The following NAP1L4 variants were observed in gnomAD, a reference collection of about 807,000 sequenced individuals.
NAP1L4 encodes the protein nucleosome assembly protein 1 like 4.
Under a neutral mutation model 58.2 loss-of-function variants are expected in NAP1L4, and 15 were observed. That is an observed-to-expected ratio of 0.26 (90% confidence interval 0.17 to 0.40). The LOEUF is 0.40. Among genes scored for constraint, NAP1L4 ranks in the 10% least tolerant of loss-of-function variants. The pLI is 1.00. For missense variants in NAP1L4, 384 were observed against 451.1 expected, an observed-to-expected ratio of 0.85 and a Z score of 1.35; for synonymous variants, 171 against 155.6, an observed-to-expected ratio of 1.10 and a Z score of -0.74.
rs1590215608 is a variant in NAP1L4, at chr11:2,949,219, C to T, written c.*32+8G>A. 8 of 1,583,864 alleles carry T rather than the reference C, an allele frequency of 5.1e-6. No homozygotes were observed. The highest frequency in any genetic ancestry group is 6.1e-6 in the Non-Finnish European group (7 of 1,153,090). On this transcript the variant is annotated splice_region_variant and intron_variant, in intron 15 of 15. Coordinates refer to ENST00000380542, the MANE Select transcript of NAP1L4 (RefSeq NM_005969.4). This position sits in a 1 kb window ranked among gnomAD's most constrained non-coding sequence, Gnocchi z 4.0. ...TGGAAGTTAGGTATGAATGGAATTC[C>T]ACCTTACCTAGAAACGTATGAATGA... is the stretch of plus-strand genomic sequence containing the variant.
rs555541428 is a variant in NAP1L4, at chr11:2,954,516, G to C, written c.1035+11C>G. The C allele has an allele frequency of 3.1e-6, 5 of 1,613,512 alleles. No individual in the cohort carries two copies. The South Asian group carries it at 5.5e-5, about 18-fold the overall frequency. ...ACCCAGGTGGAAGCCCCCCTTCCCC[G>C]AGCCTCATACATTGTCATCATCTTC... On this transcript the variant is annotated intron_variant, in intron 12 of 15. Coordinates refer to ENST00000380542, the MANE Select transcript of NAP1L4 (RefSeq NM_005969.4). This position sits in a 1 kb window ranked among gnomAD's most constrained non-coding sequence, Gnocchi z 4.8.
chr11:2,984,961 T>C lies in NAP1L4; in HGVS notation c.-17-5724A>G, dbSNP rs183671809. Among the ~76,000 whole-genome samples, 189 of 152,252 alleles carry C rather than the reference T, an allele frequency of 1.2e-3. 2 individuals are homozygous for C. Among genetic ancestry groups the C allele is most frequent in the Non-Finnish European group, 3.5e-4 (24 of 67,970 alleles). ...TTGGGACCAGAAGTGTTTCAGATTT[T>C]AGAATATTTGTATAAACATGATCAG... On this transcript the variant is annotated intron_variant, in intron 1 of 15. Coordinates refer to ENST00000380542, the MANE Select transcript of NAP1L4 (RefSeq NM_005969.4).
chr11:2,988,553 C>T (rs914265015), intron 1 of NAP1L4, among the ~76,000 whole-genome samples: 1 of 152,224 alleles, frequency 6.6e-6, no homozygotes, highest in Non-Finnish European at 1.5e-5. Context: ...TCACTGAAAG[C>T]TACTTTTCGG....
intron 7 of NAP1L4, among the ~76,000 whole-genome samples, chr11:2,968,988 G>GTTTTTTTTTTTTTTT (rs61176259): frequency 8.8e-6 from 1 of 113,582 alleles, no homozygotes; most frequent in Non-Finnish European, 1.9e-5. Context: ...TTGTTGTGTT[G>GTTTTTTTTTTTTTTT]TTTTTTTTTT....
chr11:2,973,427 C>T (rs1847764434), intron 4 of NAP1L4, among the ~76,000 whole-genome samples: 1 of 152,200 alleles, frequency 6.6e-6, no homozygotes. Flanking sequence ...CTGGGTCCTG[C>T]ATCTTGAATA....
In NAP1L4 at chr11:2,958,448, C is replaced by T. The variant is rs772716027; in HGVS notation, c.843G>A (p.Thr281=). Residue 281 remains threonine (T), a synonymous_variant, in exon 10 of 16, where the codon ACG becomes ACA. Transcript: ENST00000380542. ...HKGRGTVRTI[T]KQVPNESFFN... ...AAAAGGACTCATTGGGTACTTGTTTCGTAATTGTTCTAACAGTGCCTCGAC... is the reference window on the plus strand; with the variant it reads ...AAAAGGACTCATTGGGTACTTGTTTTGTAATTGTTCTAACAGTGCCTCGAC... 3.0e-5 allele frequency: 48 copies of T among 1,614,022 alleles called. No homozygotes were observed. The highest frequency in any genetic ancestry group is 3.5e-5 in the Non-Finnish European group (41 of 1,180,012).
Position 2,991,108 on chromosome 11 carries a change from T to C in NAP1L4, c.-18+1146A>G, listed in dbSNP as rs1457966337. On this transcript the variant is annotated intron_variant, in intron 1 of 15. Coordinates refer to ENST00000380542, the MANE Select transcript of NAP1L4 (RefSeq NM_005969.4). ...CGATTCCTCCGAGAACATAATGAAA[T>C]GGCGGACCTTCCTGCCAGAGGAGCG... The C allele has an allele frequency of 6.6e-6, 3 of 454,778 alleles. No homozygotes were observed. In the Admixed American group the frequency reaches 7.1e-5, roughly 11 times the overall value. The allele number at this position is 454,778 out of a possible 1,614,324, so 28.2% of individuals were successfully genotyped here.
intron 12 of NAP1L4, chr11:2,952,520 G>GCTCACAC (rs1846289050): frequency 8.4e-6 from 1 of 119,624 alleles, no homozygotes; most frequent in South Asian, 3.6e-4. Context: ...ATTTTGTTGA[G>GCTCACAC]CTCACACCAT....
At chr11:2,960,016 C>A (rs1846769742) in intron 8 of NAP1L4, 107 bp from the exon 9 acceptor site, 4 of 1,161,724 alleles carry the variant, frequency 3.4e-6, no homozygotes, top group Non-Finnish European at 4.8e-6. Flanking sequence ...GAAAGCTCAA[C>A]AGATAGGGCC....
chr11:2,975,177 G>A (rs576603180), intron 4 of NAP1L4, among the ~76,000 whole-genome samples: 6 of 149,534 alleles, frequency 4.0e-5, no homozygotes, highest in African/African-American at 1.5e-4. Context: ...AAATTGCCAT[G>A]CATGGTGGTG....
At chr11:2,980,446 A>G (rs1024367715) in intron 1 of NAP1L4, among the ~76,000 whole-genome samples, 1 of 152,206 alleles carries the variant, frequency 6.6e-6, no homozygotes, top group Admixed American at 6.5e-5. Context: ...TCAGCCTACC[A>G]AAGTGTTGGG....
chr11:2,980,031 T>C (rs1848214676), intron 1 of NAP1L4, among the ~76,000 whole-genome samples: 1 of 152,220 alleles, frequency 6.6e-6, no homozygotes. Context: ...GATGTATTGC[T>C]TGTGTAAAAA....
chr11:2,959,642 C>A lies in NAP1L4; in HGVS notation c.746+128G>T. 1 of 1,093,136 alleles carries A rather than the reference C, an allele frequency of 9.1e-7. No homozygotes were observed. The highest frequency in any genetic ancestry group is 1.3e-6 in the Non-Finnish European group (1 of 775,008). The allele number at this position is 1,093,136 out of a possible 1,614,324, so 67.7% of individuals were successfully genotyped here. A position where few individuals can be genotyped will look rare whatever the true frequency, so the allele number is the denominator to read the frequency against. ...GAAAGACTATTGAAATATACATCTACCAGGCTTTTAGGCTTTTAAGCAGAC... is the reference window on the plus strand; with the variant it reads ...GAAAGACTATTGAAATATACATCTAACAGGCTTTTAGGCTTTTAAGCAGAC... On this transcript the variant is annotated intron_variant, in intron 9 of 15. Transcript: ENST00000380542. This position sits in a 1 kb window ranked among gnomAD's most constrained non-coding sequence, Gnocchi z 4.9.
At chr11:2,968,241 A>G (rs1332450865) in intron 7 of NAP1L4, among the ~76,000 whole-genome samples, 6 of 152,172 alleles carry the variant, frequency 3.9e-5, no homozygotes, top group Admixed American at 1.3e-4. Context: ...AGTTCCTAAA[A>G]CCAACTCAAA....
intron 4 of NAP1L4, among the ~76,000 whole-genome samples, chr11:2,973,535 T>C (rs886248633): frequency 5.9e-5 from 9 of 152,148 alleles, no homozygotes; most frequent in South Asian, 2.1e-4. Context: ...CACATATCAC[T>C]GGTCTGGGAG....
intron 1 of NAP1L4, among the ~76,000 whole-genome samples, chr11:2,982,368 A>C (rs1486499473): frequency 1.3e-5 from 2 of 152,242 alleles, no homozygotes; most frequent in Non-Finnish European, 2.9e-5. Flanking sequence ...CTAATTGCTG[A>C]AAGAAGCCTA....
In NAP1L4 at chr11:2,951,309, C is replaced by T. The variant is rs769631205; in HGVS notation, c.1072G>A (p.Glu358Lys). ...EGEEGEEEELEGDEEGEDEDD... is the reference protein window; with the variant it reads ...EGEEGEEEELKGDEEGEDEDD... ...TCGTCTTCTCCCTCCTCGTCACCTT[C>T]TAATTCCTGTATTTAAAAAGTGAGA... is the stretch of plus-strand genomic sequence containing the variant. Residue 358 changes from glutamate (E) to lysine (K), a missense_variant, in exon 14 of 16, where the codon GAA becomes AAA. Physicochemically the swap from Glu to Lys is moderately conservative, Grantham distance 56. Around this residue, in one of 3 missense-constraint regions of NAP1L4, gnomAD observed 296 missense variants for 360.8 expected, o/e 0.82. Transcript: ENST00000380542. The surrounding 1 kb of genome is among the most constrained non-coding windows in gnomAD (Gnocchi z 4.0). 6.2e-7 allele frequency: 1 copy of T among 1,613,750 alleles called. No individual in the cohort carries two copies. The highest frequency in any genetic ancestry group is 1.3e-5 in the African/African-American group (1 of 74,902).
In NAP1L4 at chr11:2,945,657, A is replaced by C; in HGVS notation, c.*33-11T>G. On this transcript the variant is annotated splice_polypyrimidine_tract_variant and intron_variant, in intron 15 of 15. Coordinates refer to ENST00000380542, the MANE Select transcript of NAP1L4 (RefSeq NM_005969.4). ...CTGGCTGGGTTCCTTCTGTCAATGAAAAAGACAAGGCTTGTAGAGAGCAAA... is the reference window on the plus strand; with the variant it reads ...CTGGCTGGGTTCCTTCTGTCAATGACAAAGACAAGGCTTGTAGAGAGCAAA... The C allele has an allele frequency of 6.5e-7, 1 of 1,535,894 alleles. No homozygotes were observed.
At chr11:2,964,629 T>C in intron 8 of NAP1L4, 51 bp downstream of exon 8, 3 of 1,481,692 alleles carry the variant, frequency 2.0e-6, no homozygotes, top group Non-Finnish European at 2.8e-6. Context: ...TCTTCCATCT[T>C]TGTGGACTGA....
Sources: gnomAD v4.1 joint callset for allele counts (sites outside exome capture counted in the v4.1 genomes callset) on GRCh38, gnomAD v4.1.1 for gene constraint, gnomAD v4.1.1 regional missense constraint, Gnocchi (gnomAD v3.1) non-coding constraint, MANE v1.5 for transcripts, NCBI Gene and HGNC (gene_info 2026-07-23, HGNC 2026-07-21) for gene names.